ANKEF1: variants seen among roughly 807,000 people sequenced by gnomAD.
ANKEF1 encodes the protein ankyrin repeat and EF-hand domain containing 1.
In ANKEF1, 43 loss-of-function variants were observed where a neutral mutation model predicts 65.1. The observed-to-expected ratio is 0.66, with a 90% CI of 0.52 to 0.85. The LOEUF (loss-of-function observed/expected upper bound fraction) is 0.85. Among genes scored for constraint, ANKEF1 ranks in the 40% least tolerant of loss-of-function variants. The pLI is 0.00. For synonymous variants in ANKEF1, 316 were observed against 341.5 expected, an observed-to-expected ratio of 0.93 and a Z score of 0.82; for missense variants, 934 against 952.9, an observed-to-expected ratio of 0.98 and a Z score of 0.26.
Position 10,050,196 on chromosome 20 carries a change from TTTC to T in ANKEF1, c.1633_1635del (p.Leu545del), listed in dbSNP as rs776755496. ...AAGTGGAAACATAGATGTGGTCAAG[TTTC>T]TTCTTGAAAAAGGGTACGCGTCTCC... On this transcript the variant is annotated inframe_deletion, in exon 7 of 11. Coordinates refer to ENST00000378392, the MANE Select transcript of ANKEF1 (RefSeq NM_022096.6). 6.2e-7 allele frequency: 1 copy of T among 1,607,516 alleles called. No individual in the cohort carries two copies. Among genetic ancestry groups the T allele is most frequent in the Non-Finnish European group, 8.5e-7 (1 of 1,176,364 alleles).
intron 7 of ANKEF1, among the ~76,000 whole-genome samples, chr20:10,051,422 C>T (rs924095047): frequency 6.6e-6 from 1 of 152,062 alleles, no homozygotes; most frequent in Non-Finnish European, 1.5e-5. Context: ...TTATAATTTT[C>T]CTTGATTTTA....
Position 10,057,536 on chromosome 20 carries a change from A to C in ANKEF1, c.*1876A>C, listed in dbSNP as rs528308500. Reference sequence around the variant, plus strand: ...TTGCTCTATCTCTTTCTCCCTCTACATATATGCATATGTATGTTTAATTTT... The same window carrying C: ...TTGCTCTATCTCTTTCTCCCTCTACCTATATGCATATGTATGTTTAATTTT... On this transcript the variant is annotated 3_prime_UTR_variant, in exon 11 of 11. Transcript: ENST00000378392. The C allele has an allele frequency of 4.9e-4, 74 of 152,300 alleles. No individual in the cohort carries two copies. The highest frequency in any genetic ancestry group is 1.6e-3 in the African/African-American group (67 of 41,580). 9.4% of individuals were successfully genotyped at this position (152,300 alleles called of 1,614,324 possible). A position where few individuals can be genotyped will look rare whatever the true frequency, so the allele number is the denominator to read the frequency against.
In ANKEF1 at chr20:10,056,531, T is replaced by TAGATAGAC. The variant is rs1488209196; in HGVS notation, c.*878_*879insCAGATAGA. The TAGATAGAC allele has an allele frequency of 6.6e-6, 1 of 151,458 alleles. No homozygotes were observed. Among genetic ancestry groups the TAGATAGAC allele is most frequent in the African/African-American group, 2.4e-5 (1 of 41,122 alleles). 9.4% of individuals were successfully genotyped at this position (151,458 alleles called of 1,614,324 possible). ...ATAGATAGATAGATAGATAGATAGATAGATAGAGATTTATTGCAAATAATT... is the reference window on the plus strand; with the variant it reads ...ATAGATAGATAGATAGATAGATAGATAGATAGACAGATAGAGATTTATTGCAAATAATT... On this transcript the variant is annotated 3_prime_UTR_variant, in exon 11 of 11. Coordinates refer to ENST00000378392, the MANE Select transcript of ANKEF1 (RefSeq NM_022096.6).
At chr20:10,045,928 GT>G (rs1984499524) in intron 6 of ANKEF1, among the ~76,000 whole-genome samples, 1 of 152,112 alleles carries the variant, frequency 6.6e-6, no homozygotes, top group Non-Finnish European at 1.5e-5. Context: ...TTAGGTTATT[GT>G]TAAAAACCTA....
rs771848473 is a variant in ANKEF1, at chr20:10,044,541, G to A, written c.694G>A (p.Asp232Asn). Residue 232 changes from aspartate (D) to asparagine (N), a missense_variant and splice_region_variant, in exon 5 of 11, where the codon GAT becomes AAT. Transcript: ENST00000378392. ...TTTTGCTGCTAAAGGAGGCTTTTTC[G>A]ATGTAATAATCTATTCTTTGCTTTA... ...AHFAAKGGFF[D>N]ILKLLFAYNG... 1.1e-5 allele frequency: 18 copies of A among 1,613,642 alleles called. No homozygotes were observed. Among genetic ancestry groups the A allele is most frequent in the South Asian group, 4.4e-5 (4 of 91,050 alleles).
intron 6 of ANKEF1, among the ~76,000 whole-genome samples, chr20:10,047,201 A>C (rs1984566233): frequency 6.6e-6 from 1 of 152,238 alleles, no homozygotes; most frequent in Admixed American, 6.5e-5. Context: ...GAAGCCAAGG[A>C]CCAGAGCCTG....
rs200701779 is a variant in ANKEF1, at chr20:10,044,516, T to C, written c.669T>C (p.His223=). ...AFDNDRHHAA[H]FAAKGGFFDI... ...ACAACGACAGGCATCACGCTGCTCA[T>C]TTTGCTGCTAAAGGAGGCTTTTTCG... Residue 223 remains histidine (H), a synonymous_variant, in exon 5 of 11, where the codon CAT becomes CAC. Coordinates refer to ENST00000378392, the MANE Select transcript of ANKEF1 (RefSeq NM_022096.6). 6.2e-7 allele frequency: 1 copy of C among 1,614,124 alleles called. No homozygotes were observed. Among genetic ancestry groups the C allele is most frequent in the Middle Eastern group, 1.6e-4 (1 of 6,062 alleles).
At chr20:10,042,198 T>C (rs901303268) in intron 3 of ANKEF1, among the ~76,000 whole-genome samples, 14 of 152,200 alleles carry the variant, frequency 9.2e-5, no homozygotes, top group African/African-American at 3.1e-4. Context: ...GCACTTTCAT[T>C]TTAGAACAAG....
chr20:10,053,253 G>A lies in ANKEF1; in HGVS notation c.2012G>A (p.Gly671Asp), dbSNP rs562730293. Reference protein sequence around the residue: ...GKTPPILKTEGPEIKKEEELL... With the variant: ...GKTPPILKTEDPEIKKEEELL... Reference sequence around the variant, plus strand: ...ACACCTCCTATACTGAAGACTGAAGGCCCTGAAATTAAGAAAGAAGAGGTA... The same window carrying A: ...ACACCTCCTATACTGAAGACTGAAGACCCTGAAATTAAGAAAGAAGAGGTA... Residue 671 changes from glycine (G) to aspartate (D), a missense_variant, in exon 9 of 11, where the codon GGC (glycine) becomes GAC (aspartate). Gly to Asp is a moderately conservative substitution (Grantham distance 94). Transcript: ENST00000378392. 6 of 1,593,568 alleles carry A rather than the reference G, an allele frequency of 3.8e-6. No individual in the cohort carries two copies. In the East Asian group the frequency reaches 1.1e-4, roughly 30 times the overall value.
chr20:10,051,789 C>G lies in ANKEF1; in HGVS notation c.1770C>G (p.Asn590Lys). ...CTTTAATAGATGCAGCTTCAATCAA[C>G]AACTCAACTCCTTTAAATAGAGCCA... ...SGALIDAASI[N>K]NSTPLNRAIE... is the part of the protein sequence containing the mutation. Residue 590 changes from asparagine (N) to lysine (K), a missense_variant, in exon 8 of 11, where the codon AAC becomes AAG. Transcript: ENST00000378392. 1 of 1,613,742 alleles carries G rather than the reference C, an allele frequency of 6.2e-7. No individual in the cohort carries two copies. The highest frequency in any genetic ancestry group is 8.5e-7 in the Non-Finnish European group (1 of 1,179,826).
At chr20:10,046,283 C>G (rs915543393) in intron 6 of ANKEF1, among the ~76,000 whole-genome samples, 5 of 152,140 alleles carry the variant, frequency 3.3e-5, no homozygotes, top group Non-Finnish European at 5.9e-5. Context: ...GATTAAGTTC[C>G]TTATTTTAAA....
chr20:10,052,951 A>C (rs757438641), intron 8 of ANKEF1, among the ~76,000 whole-genome samples, 161 bp from the exon 9 acceptor site: 1 of 152,152 alleles, frequency 6.6e-6, no homozygotes, highest in Non-Finnish European at 1.5e-5. Flanking sequence ...CGCCATAGAG[A>C]AAATCTGATC....
At position 10,055,923 on chromosome 20, in the gene ANKEF1, A is replaced by G. The variant is rs2122289312; in HGVS notation, c.*263A>G. ...GAAATACATGGCATGTGGGTTATAA[A>G]CGTTGCTGTCAAAAGATTTACCAGG... On this transcript the variant is annotated 3_prime_UTR_variant, in exon 11 of 11. Transcript: ENST00000378392. 2.6e-6 allele frequency: 1 copy of G among 387,322 alleles called. No homozygotes were observed. Among genetic ancestry groups the G allele is most frequent in the Middle Eastern group, 7.6e-4 (1 of 1,324 alleles). The allele number at this position is 387,322 out of a possible 1,614,324, so 24.0% of individuals were successfully genotyped here.
At chr20:10,052,538 T>C (rs1402800966) in intron 8 of ANKEF1, among the ~76,000 whole-genome samples, 1 of 152,182 alleles carries the variant, frequency 6.6e-6, no homozygotes. Flanking sequence ...AAGTACCATT[T>C]TCCTACATTG....
Position 10,049,627 on chromosome 20 carries a change from G to GC in ANKEF1, c.1059dup (p.Ile354HisfsTer30), listed in dbSNP as rs755823857. 3 of 1,614,012 alleles carry GC rather than the reference G, an allele frequency of 1.9e-6. No individual in the cohort carries two copies. The highest frequency in any genetic ancestry group is 2.5e-6 in the Non-Finnish European group (3 of 1,180,024). On this transcript the variant is annotated frameshift_variant, in exon 7 of 11. Transcript: ENST00000378392. LOFTEE classifies it high-confidence loss of function. ...GCGGTTTTAGACAGGGGTGATGGAA[G>GC]CATCAGCAAGAACGACTTCGTGATG...
chr20:10,045,655 A>G lies in ANKEF1; in HGVS notation c.778A>G (p.Met260Val). The G allele has an allele frequency of 6.2e-7, 1 of 1,613,884 alleles. No individual in the cohort carries two copies. Among genetic ancestry groups the G allele is most frequent in the Non-Finnish European group, 8.5e-7 (1 of 1,179,832 alleles). The change falls in exon 6 of 11, where the codon ATG becomes GTG. Residue 260 changes from methionine (M) to valine (V), a missense_variant. Met to Val is a conservative substitution (Grantham distance 21). Transcript: ENST00000378392. ...NGNTPLHYAA[M>V]GGFADCCKYI... is the part of the protein sequence containing the mutation. The stretch of plus-strand genomic sequence containing the variant: ...GAACACACCACTTCATTATGCTGCC[A>G]TGGGTGGTTTTGCAGACTGCTGTAA...
At chr20:10,048,117 G>C (rs891928399) in intron 6 of ANKEF1, among the ~76,000 whole-genome samples, 1 of 152,124 alleles carries the variant, frequency 6.6e-6, no homozygotes. Flanking sequence ...TAGAGTCACT[G>C]TTCTTAAAAC....
At chr20:10,048,001 C>T (rs1288434909) in intron 6 of ANKEF1, among the ~76,000 whole-genome samples, 1 of 152,050 alleles carries the variant, frequency 6.6e-6, no homozygotes, top group East Asian at 1.9e-4. Context: ...GGGATCAAAA[C>T]CCCCCAGACA....
In ANKEF1 at chr20:10,054,443, T is replaced by C. The variant is rs781682654; in HGVS notation, c.2035-19T>C. 1 of 1,520,594 alleles carries C rather than the reference T, an allele frequency of 6.6e-7. No homozygotes were observed. The highest frequency in any genetic ancestry group is 8.8e-7 in the Non-Finnish European group (1 of 1,139,330). The allele number at this position is 1,520,594 out of a possible 1,614,324, so 94.2% of individuals were successfully genotyped here. ...GTATAGATTTTTACAATTTATAATT[T>C]TTTTGTTCTTGTTTCCAGGAACTGC... On this transcript the variant is annotated intron_variant, in intron 9 of 10. Transcript: ENST00000378392.
Sources: gnomAD v4.1 joint callset for allele counts (sites outside exome capture counted in the v4.1 genomes callset) on GRCh38, gnomAD v4.1.1 for gene constraint, MANE v1.5 for transcripts, NCBI Gene and HGNC (gene_info 2026-07-23, HGNC 2026-07-21) for gene names.